RNF180: variants seen among roughly 807,000 people sequenced by gnomAD.
RNF180 encodes ring finger protein 180.
In RNF180, 38 loss-of-function variants were observed where a neutral mutation model predicts 59.2. The observed-to-expected ratio is 0.64, with a 90% CI of 0.50 to 0.84. RNF180 has a LOEUF of 0.84. Among genes scored for constraint, RNF180 ranks in the 40% least tolerant of loss-of-function variants. The pLI is 0.00. For synonymous variants in RNF180, 262 were observed against 240.3 expected, an observed-to-expected ratio of 1.09 and a Z score of -0.84; for missense variants, 705 against 700.9, an observed-to-expected ratio of 1.01 and a Z score of -0.07.
chr5:64,263,972 T>G (rs2112327504), intron 5 of RNF180, among the ~76,000 whole-genome samples: 1 of 152,302 alleles, frequency 6.6e-6, no homozygotes, highest in South Asian at 2.1e-4. Context: ...TTTAGTTTAT[T>G]CATTTCCATG....
intron 1 of RNF180, among the ~76,000 whole-genome samples, chr5:64,185,017 T>C (rs1750802655): frequency 6.6e-6 from 1 of 152,174 alleles, no homozygotes; most frequent in Admixed American, 6.5e-5. Context: ...CTGACTGTCC[T>C]TTCTGTTTCA....
intron 5 of RNF180, among the ~76,000 whole-genome samples, chr5:64,284,558 T>C (rs2112400998): frequency 6.6e-6 from 1 of 152,334 alleles, no homozygotes; most frequent in Non-Finnish European, 1.5e-5. Context: ...TTTCTTTATT[T>C]TGTCTGATTG....
chr5:64,271,080 T>G (rs2112352233), intron 5 of RNF180, among the ~76,000 whole-genome samples: 1 of 152,198 alleles, frequency 6.6e-6, no homozygotes, highest in African/African-American at 2.4e-5. Flanking sequence ...TAATATTTCA[T>G]GTGCTTGGTA....
chr5:64,339,568 C>T (rs1745277060), intron 7 of RNF180, among the ~76,000 whole-genome samples: 1 of 152,072 alleles, frequency 6.6e-6, no homozygotes, highest in Non-Finnish European at 1.5e-5. Context: ...TTAATAGGTT[C>T]CCTAAGAAAT....
intron 5 of RNF180, among the ~76,000 whole-genome samples, chr5:64,236,659 C>A (rs1365888085): frequency 6.6e-6 from 1 of 152,128 alleles, no homozygotes; most frequent in African/African-American, 2.4e-5. Flanking sequence ...TTTGTGGCAG[C>A]CCCTCCCATC....
At chr5:64,211,352 C>T (rs1752300451) in intron 2 of RNF180, among the ~76,000 whole-genome samples, 1 of 152,130 alleles carries the variant, frequency 6.6e-6, no homozygotes, top group South Asian at 2.1e-4. Flanking sequence ...GGGATTAATG[C>T]TCAATGTGCT....
intron 1 of RNF180, among the ~76,000 whole-genome samples, chr5:64,175,940 T>TTAAG (rs1414645047): frequency 2.0e-5 from 3 of 152,214 alleles, no homozygotes; most frequent in Non-Finnish European, 4.4e-5. Context: ...ACTGAATTTA[T>TTAAG]ATATTGATTT....
At chr5:64,334,686 C>A (rs1262046367) in intron 7 of RNF180, among the ~76,000 whole-genome samples, 2 of 152,108 alleles carry the variant, frequency 1.3e-5, no homozygotes, top group African/African-American at 4.8e-5. Context: ...ATATATTCTG[C>A]TTTGCTTTGT....
At chr5:64,321,379 A>G (rs538187174) in intron 5 of RNF180, among the ~76,000 whole-genome samples, 22 of 152,158 alleles carry the variant, frequency 1.4e-4, no homozygotes, top group Non-Finnish European at 2.6e-4. Flanking sequence ...TACACCAGCA[A>G]TAGACAAACA....
At chr5:64,235,156 C>A (rs1742358379) in intron 5 of RNF180, among the ~76,000 whole-genome samples, 1 of 152,036 alleles carries the variant, frequency 6.6e-6, no homozygotes, top group Non-Finnish European at 1.5e-5. Context: ...TGTTGGCCTG[C>A]ACTGTAGTCC....
intron 6 of RNF180, among the ~76,000 whole-genome samples, chr5:64,327,296 G>T (rs771132927): frequency 6.6e-6 from 1 of 151,600 alleles, no homozygotes; most frequent in Admixed American, 6.6e-5. Flanking sequence ...TTTCTACTCT[G>T]GTCTTTATTA....
chr5:64,179,276 C>T (rs1750440331), intron 1 of RNF180, among the ~76,000 whole-genome samples: 1 of 152,036 alleles, frequency 6.6e-6, no homozygotes, highest in Admixed American at 6.5e-5. Context: ...TGTGTGTTCT[C>T]ACCACTTAGT....
At chr5:64,311,523 T>C (rs1743765579) in intron 5 of RNF180, among the ~76,000 whole-genome samples, 1 of 151,928 alleles carries the variant, frequency 6.6e-6, no homozygotes, top group Non-Finnish European at 1.5e-5. Context: ...GCAAGTTCTC[T>C]CCTCTTTCCT....
intron 1 of RNF180, among the ~76,000 whole-genome samples, chr5:64,167,601 A>G (rs1376285637): frequency 6.6e-6 from 1 of 152,206 alleles, no homozygotes; most frequent in Non-Finnish European, 1.5e-5. Flanking sequence ...TGAAGCAGGA[A>G]TTCTTCCAGG....
intron 5 of RNF180, among the ~76,000 whole-genome samples, chr5:64,272,589 G>GA (rs950905132): frequency 5.9e-5 from 9 of 151,674 alleles, no homozygotes; most frequent in African/African-American, 1.7e-4. Flanking sequence ...ATGACAGTTT[G>GA]AAAAAAAGCA....
intron 5 of RNF180, among the ~76,000 whole-genome samples, chr5:64,297,999 C>T (rs566050227): frequency 2.6e-5 from 4 of 151,880 alleles, no homozygotes; most frequent in Non-Finnish European, 5.9e-5. Flanking sequence ...TTTCATCACC[C>T]AGGTGTAAAG....
intron 5 of RNF180, among the ~76,000 whole-genome samples, chr5:64,236,509 C>T (rs558649175): frequency 6.6e-6 from 1 of 152,144 alleles, no homozygotes; most frequent in African/African-American, 2.4e-5. Flanking sequence ...AATTTTGCTG[C>T]CTGACCATGT....
intron 5 of RNF180, among the ~76,000 whole-genome samples, chr5:64,235,984 C>T (rs1306770730): frequency 6.6e-6 from 1 of 152,130 alleles, no homozygotes; most frequent in Non-Finnish European, 1.5e-5. Context: ...TAAGAAAAGA[C>T]TAATACAGAG....
At chr5:64,272,207 A>G (rs1257849254) in intron 5 of RNF180, among the ~76,000 whole-genome samples, 5 of 152,116 alleles carry the variant, frequency 3.3e-5, no homozygotes, top group Non-Finnish European at 1.5e-5. Flanking sequence ...ACACGTTTCT[A>G]TGAGGACATA....
Sources: allele counts gnomAD v4.1 joint callset (sites outside exome capture counted in the v4.1 genomes callset), GRCh38; gene constraint gnomAD v4.1.1; transcripts MANE v1.5; gene names NCBI Gene and HGNC (gene_info 2026-07-23, HGNC 2026-07-21).